DDO: variants seen among roughly 807,000 people sequenced by gnomAD.
DDO encodes D-aspartate oxidase, DDO.
A neutral mutation model predicts 16.8 loss-of-function variants in DDO; 16 were observed. That is an observed-to-expected ratio of 0.95 (90% CI 0.65 to 1.45). The LOEUF (loss-of-function observed/expected upper bound fraction) is 1.45, where lower values mean the gene tolerates loss of function less well. Ranked by LOEUF, DDO falls within the 40% of genes most tolerant of loss-of-function variation. DDO has a pLI of 0.00. For synonymous variants in DDO, 180 were observed against 167.2 expected (o/e 1.08, Z -0.59); for missense variants, 429 against 420.3 (o/e 1.02, Z -0.18).
In DDO at chr6:110,408,390, G is replaced by A; in HGVS notation, c.225C>T (p.Leu75=). The change falls in exon 3 of 5, where the codon CTC becomes CTT. Residue 75 remains leucine, a synonymous_variant. Coordinates refer to ENST00000368924, the MANE Select transcript of DDO (RefSeq NM_001372108.2). ...KQWFRETFNH[L]FAIANSAEAG... Reference sequence around the variant, plus strand: ...CTTCTGCAGAATTGGCAATTGCAAAGAGGTGATTAAAGGTTTCTCTGAACC... The same window carrying A: ...CTTCTGCAGAATTGGCAATTGCAAAAAGGTGATTAAAGGTTTCTCTGAACC... 2.5e-6 allele frequency: 4 copies of A among 1,614,198 alleles called. No individual in the cohort carries two copies. The highest frequency in any genetic ancestry group is 3.4e-6 in the Non-Finnish European group (4 of 1,180,040).
rs374937272 is a variant in DDO, at chr6:110,413,436, G to C, written c.27C>G (p.Val9=). 3.8e-5 allele frequency: 61 copies of C among 1,613,634 alleles called. No individual in the cohort carries two copies. The highest frequency in any genetic ancestry group is 5.1e-5 in the Non-Finnish European group (60 of 1,180,018). ...TGGAGAGCCCCACCACACCTGCCCC[G>C]ACAACTGCAATCCGTGCTGTGTCCA... MDTARIAV[V]GAGVVGLSTA... The change falls in exon 2 of 5, where the codon GTC becomes GTG. Residue 9 remains valine (V), a synonymous_variant. Transcript: ENST00000368924.
At chr6:110,407,854 T>C (rs1018284749) in intron 3 of DDO, among the ~76,000 whole-genome samples, 4 of 152,202 alleles carry the variant, frequency 2.6e-5, no homozygotes, top group African/African-American at 9.6e-5. Context: ...TTTTTCCACA[T>C]GGCACTTCAA....
At chr6:110,399,588 T>G (rs1773406868) in intron 4 of DDO, among the ~76,000 whole-genome samples, 1 of 139,644 alleles carries the variant, frequency 7.2e-6, no homozygotes, top group African/African-American at 2.6e-5. Flanking sequence ...GGACTTGGGC[T>G]GAGAGGAGTC....
downstream of DDO, chr6:110,391,718 T>G (rs1330750877): frequency 1.3e-5 from 2 of 152,210 alleles, no homozygotes; most frequent in African/African-American, 4.8e-5. Flanking sequence ...CTCTAGAGGA[T>G]TCACAATACA....
Position 110,392,617 on chromosome 6 carries a change from T to TA in DDO, c.*157dup. 7.7e-7 allele frequency: 1 copy of TA among 1,307,098 alleles called. No individual in the cohort carries two copies. Among genetic ancestry groups the TA allele is most frequent in the Non-Finnish European group, 9.7e-7 (1 of 1,031,890 alleles). 81.0% of individuals were successfully genotyped at this position (1,307,098 alleles called of 1,614,324 possible). A position where few individuals can be genotyped will look rare whatever the true frequency, so the allele number is the denominator to read the frequency against. ...TCAGCCTCTCAAGTAGCTGGGACTA[T>TA]AGGCATGCCACCGTGCTCAGCTTAC... is the stretch of plus-strand genomic sequence containing the variant. On this transcript the variant is annotated 3_prime_UTR_variant, in exon 5 of 5. Transcript: ENST00000368924.
At chr6:110,402,379 A>G (rs1032736751) in intron 4 of DDO, among the ~76,000 whole-genome samples, 7 of 152,160 alleles carry the variant, frequency 4.6e-5, no homozygotes, top group African/African-American at 1.7e-4. Context: ...ATATTTAAAC[A>G]TGGGGCCAGG....
At chr6:110,408,739 G>A (rs142027367) in intron 2 of DDO, among the ~76,000 whole-genome samples, 30 of 152,326 alleles carry the variant, frequency 2.0e-4, no homozygotes, top group African/African-American at 6.7e-4. Flanking sequence ...GTGGTTTTTG[G>A]TACTAGGTAT....
chr6:110,407,381 G>A (rs1281007568), intron 3 of DDO, among the ~76,000 whole-genome samples: 1 of 152,136 alleles, frequency 6.6e-6, no homozygotes, highest in Non-Finnish European at 1.5e-5. Context: ...GAGGGGCTTT[G>A]GGAAATTACT....
chr6:110,407,582 C>T (rs1371055630), intron 3 of DDO, among the ~76,000 whole-genome samples: 1 of 152,098 alleles, frequency 6.6e-6, no homozygotes, highest in African/African-American at 2.4e-5. Context: ...CACAGGATAA[C>T]ACATGTATGT....
At chr6:110,409,435 G>T (rs1354094283) in intron 2 of DDO, among the ~76,000 whole-genome samples, 1 of 152,206 alleles carries the variant, frequency 6.6e-6, no homozygotes, top group Non-Finnish European at 1.5e-5. Context: ...AACTGAGGCA[G>T]AGAGGATGCT....
In DDO at chr6:110,413,435, C is replaced by A; in HGVS notation, c.28G>T (p.Gly10Trp). The change falls in exon 2 of 5, where the codon GGG becomes TGG. Residue 10 changes from glycine to tryptophan, a missense_variant. By Grantham distance (184) the Gly-to-Trp change is radical. Coordinates refer to ENST00000368924, the MANE Select transcript of DDO (RefSeq NM_001372108.2). The stretch of plus-strand genomic sequence containing the variant: ...GTGGAGAGCCCCACCACACCTGCCC[C>A]GACAACTGCAATCCGTGCTGTGTCC... MDTARIAVV[G>W]AGVVGLSTAV... 10 of 1,613,766 alleles carry A rather than the reference C, an allele frequency of 6.2e-6. No individual in the cohort carries two copies. The highest frequency in any genetic ancestry group is 7.6e-6 in the Non-Finnish European group (9 of 1,180,016).
chr6:110,394,777 C>T (rs572358036), intron 4 of DDO, among the ~76,000 whole-genome samples: 2 of 152,354 alleles, frequency 1.3e-5, no homozygotes, highest in South Asian at 4.1e-4. Context: ...TCTCAGTTTC[C>T]TCATCTGCAT....
chr6:110,392,762 C>G lies in DDO; in HGVS notation c.*13G>C. On this transcript the variant is annotated 3_prime_UTR_variant, in exon 5 of 5. Transcript: ENST00000368924. ...AACAGTCTCTCAGTCTCTTTGCTGT[C>G]ATTTTATGTCATCTACAGGTTTGAC... is the stretch of plus-strand genomic sequence containing the variant. The G allele has an allele frequency of 1.3e-6, 2 of 1,523,736 alleles. No homozygotes were observed. Among genetic ancestry groups the G allele is most frequent in the Non-Finnish European group, 1.8e-6 (2 of 1,136,616 alleles). The allele number at this position is 1,523,736 out of a possible 1,614,324, so 94.4% of individuals were successfully genotyped here.
At chr6:110,414,302 C>T (rs1261614964) in intron 1 of DDO, among the ~76,000 whole-genome samples, 1 of 152,244 alleles carries the variant, frequency 6.6e-6, no homozygotes, top group South Asian at 2.1e-4. Flanking sequence ...CTGCCACTGT[C>T]ACCGGCCCCC....
At chr6:110,401,101 G>A (rs1000900690) in intron 4 of DDO, among the ~76,000 whole-genome samples, 30 of 152,248 alleles carry the variant, frequency 2.0e-4, no homozygotes, top group Admixed American at 3.9e-4. Flanking sequence ...GATATGGATA[G>A]AGCGAGGGTG....
chr6:110,399,953 T>C (rs1773421483), intron 4 of DDO, among the ~76,000 whole-genome samples: 1 of 152,202 alleles, frequency 6.6e-6, no homozygotes, highest in East Asian at 1.9e-4. Flanking sequence ...TCCTCCCCGC[T>C]GCCCATAACC....
At chr6:110,415,361 C>T (rs1380485242) in intron 1 of DDO, 106 bp downstream of exon 1, 6 of 1,452,274 alleles carry the variant, frequency 4.1e-6, no homozygotes, top group African/African-American at 1.4e-5. Flanking sequence ...TGTGTCCTGG[C>T]ACAGTGGCCT....
chr6:110,391,097 T>C (rs1773090629), downstream of DDO, among the ~76,000 whole-genome samples: 1 of 152,252 alleles, frequency 6.6e-6, no homozygotes, highest in Non-Finnish European at 1.5e-5. Flanking sequence ...CTGCAAGGAA[T>C]GATTATGACT....
At chr6:110,404,753 T>C (rs910330968) in intron 4 of DDO, 21 bp downstream of exon 4, 2 of 1,612,380 alleles carry the variant, frequency 1.2e-6, no homozygotes, top group Non-Finnish European at 1.7e-6. Context: ...TAAGGAAATA[T>C]CAGGGAGCAT....
Sources: gnomAD v4.1 joint callset for allele counts (sites outside exome capture counted in the v4.1 genomes callset) on GRCh38, gnomAD v4.1.1 for gene constraint, MANE v1.5 for transcripts, NCBI Gene and HGNC (gene_info 2026-07-23, HGNC 2026-07-21) for gene names.